The following NENF variants were observed in gnomAD, a reference collection of about 807,000 sequenced individuals.
NENF encodes the protein neudesin.
Under a neutral mutation model 14.8 loss-of-function variants are expected in NENF, and 6 were observed. The observed-to-expected ratio is 0.40, with a 90% CI of 0.22 to 0.80. NENF has a LOEUF of 0.80. Ranked by LOEUF, NENF falls within the 30% of genes least tolerant of loss-of-function variation. NENF has a pLI of 0.34. For synonymous variants in NENF, 76 were observed against 95.1 expected (o/e 0.80, Z 1.17); for missense variants, 184 against 212.7 (o/e 0.87, Z 0.84).
chr1:212,438,076 CAGAAGAGG>C (rs1662637107), intron 1 of NENF, among the ~76,000 whole-genome samples: 2 of 152,104 alleles, frequency 1.3e-5, no homozygotes, highest in Admixed American at 6.5e-5. Flanking sequence ...AAGGGTTGTA[CAGAAGAGG>C]TGATTTTGAG....
At chr1:212,440,457 C>T (rs1197796907) in intron 1 of NENF, among the ~76,000 whole-genome samples, 1 of 151,964 alleles carries the variant, frequency 6.6e-6, no homozygotes, top group Non-Finnish European at 1.5e-5. Flanking sequence ...AAGAAAAATG[C>T]CGTCTGCTGG....
intron 3 of NENF, 119 bp downstream of exon 3, chr1:212,444,561 GTGTGTGTA>G (rs760806360): frequency 0.02 from 8,323 of 412,696 alleles, 116 homozygotes; most frequent in East Asian, 0.078. Flanking sequence ...GTGTGTGTGT[GTGTGTGTA>G]TCTGGGCAAG....
At position 212,433,003 on chromosome 1, in the gene NENF, G is replaced by A. The variant is rs1437250151; in HGVS notation, c.60G>A (p.Leu20=). 2.5e-5 allele frequency: 29 copies of A among 1,157,078 alleles called. No homozygotes were observed. Among genetic ancestry groups the A allele is most frequent in the Non-Finnish European group, 3.0e-5 (28 of 938,952 alleles). The allele number at this position is 1,157,078 out of a possible 1,614,324, so 71.7% of individuals were successfully genotyped here. Residue 20 remains leucine (L), a synonymous_variant, in exon 1 of 4, where the codon CTG becomes CTA. Transcript: ENST00000366988. This position sits in a 1 kb window ranked among gnomAD's most constrained non-coding sequence, Gnocchi z 5.5. ...CGCTGGCAGCGCTGGCCCTGGTCCT[G>A]GCGCTGGCCCCGGGGCTGCCCACAG... ...LRPLAALALV[L]ALAPGLPTAR... is the part of the protein sequence containing the mutation.
chr1:212,445,685 G>A, intron 3 of NENF, 145 bp from the exon 4 acceptor site: 1 of 300,174 alleles, frequency 3.3e-6, no homozygotes, highest in Middle Eastern at 1.3e-3. Flanking sequence ...TGTCTCTTAA[G>A]CCATTTGTCC....
chr1:212,442,766 G>A (rs773104427), intron 2 of NENF, 141 bp downstream of exon 2: 6 of 627,106 alleles, frequency 9.6e-6, no homozygotes, highest in Non-Finnish European at 1.4e-5. Flanking sequence ...TTTTTGAGAC[G>A]GAGTTTCACT....
At position 212,433,030 on chromosome 1, in the gene NENF, C is replaced by A; in HGVS notation, c.87C>A (p.Ala29=). The change falls in exon 1 of 4, where the codon GCC becomes GCA. Residue 29 remains alanine (A), a synonymous_variant. Coordinates refer to ENST00000366988, the MANE Select transcript of NENF (RefSeq NM_013349.5). The surrounding 1 kb of genome is among the most constrained non-coding windows in gnomAD (Gnocchi z 5.5). The part of the protein sequence containing the change: ...VLALAPGLPT[A]RAGQTPRPAE... ...CGCTGGCCCCGGGGCTGCCCACAGCCCGGGCCGGGCAGACACCGCGCCCTG... is the reference window on the plus strand; with the variant it reads ...CGCTGGCCCCGGGGCTGCCCACAGCACGGGCCGGGCAGACACCGCGCCCTG... The A allele has an allele frequency of 8.5e-7, 1 of 1,181,582 alleles. No individual in the cohort carries two copies. The highest frequency in any genetic ancestry group is 3.7e-5 in the East Asian group (1 of 27,204). The allele number at this position is 1,181,582 out of a possible 1,614,324, so 73.2% of individuals were successfully genotyped here. A position where few individuals can be genotyped will look rare whatever the true frequency, so the allele number is the denominator to read the frequency against.
intron 3 of NENF, among the ~76,000 whole-genome samples, chr1:212,444,829 C>G: frequency 6.6e-6 from 1 of 152,152 alleles, no homozygotes; most frequent in East Asian, 1.9e-4. Flanking sequence ...ATCCCCTCAG[C>G]CCCTTACAGC....
intron 3 of NENF, among the ~76,000 whole-genome samples, chr1:212,445,377 A>G (rs1396421459): frequency 6.6e-6 from 1 of 152,238 alleles, no homozygotes; most frequent in African/African-American, 2.4e-5. Flanking sequence ...AGATGAGCCA[A>G]ACTCATAACA....
Position 212,433,248 on chromosome 1 carries a change from T to C in NENF, c.177+128T>C. 1 of 476,042 alleles carries C rather than the reference T, an allele frequency of 2.1e-6. No individual in the cohort carries two copies. The allele number at this position is 476,042 out of a possible 1,614,324, so 29.5% of individuals were successfully genotyped here. A position where few individuals can be genotyped will look rare whatever the true frequency, so the allele number is the denominator to read the frequency against. Reference sequence around the variant, plus strand: ...GACGCGCGGCCCGCGGCGGGCGCCCTGGGCCGGCGGGGGGCCTCCTCTCTC... The same window carrying C: ...GACGCGCGGCCCGCGGCGGGCGCCCCGGGCCGGCGGGGGGCCTCCTCTCTC... On this transcript the variant is annotated intron_variant, in intron 1 of 3. Transcript: ENST00000366988. This position sits in a 1 kb window ranked among gnomAD's most constrained non-coding sequence, Gnocchi z 5.5.
chr1:212,444,497 TTC>T (rs1662746295), intron 3 of NENF, 55 bp downstream of exon 3: 2 of 1,190,084 alleles, frequency 1.7e-6, no homozygotes, highest in African/African-American at 3.1e-5. Context: ...CCATGCCTTT[TTC>T]TCTTTTTCTT....
chr1:212,436,281 A>T (rs894753916), intron 1 of NENF, among the ~76,000 whole-genome samples: 1 of 150,138 alleles, frequency 6.7e-6, no homozygotes, highest in Non-Finnish European at 1.5e-5. Flanking sequence ...GCCCTCAGGC[A>T]GGAGCAGATG....
intron 3 of NENF, among the ~76,000 whole-genome samples, chr1:212,445,096 A>G (rs1314154074): frequency 6.6e-6 from 1 of 152,098 alleles, no homozygotes; most frequent in African/African-American, 2.4e-5. Context: ...CTCTACTAAA[A>G]ATACAAAAAT....
intron 2 of NENF, 22 bp downstream of exon 2, chr1:212,442,647 A>G (rs759902754): frequency 7.5e-6 from 12 of 1,599,574 alleles, no homozygotes; most frequent in African/African-American, 1.3e-5. Context: ...GGCATTTTGA[A>G]TCTTCATTTC....
In NENF at chr1:212,445,988, C is replaced by T; in HGVS notation, c.501C>T (p.Asp167=). 6.2e-7 allele frequency: 1 copy of T among 1,614,212 alleles called. No individual in the cohort carries two copies. Among genetic ancestry groups the T allele is most frequent in the Non-Finnish European group, 8.5e-7 (1 of 1,180,040 alleles). Residue 167 remains aspartate (D), a synonymous_variant, in exon 4 of 4, where the codon GAC becomes GAT. Coordinates refer to ENST00000366988, the MANE Select transcript of NENF (RefSeq NM_013349.5). Reference sequence around the variant, plus strand: ...AGCCTGAAGACCAGCCCCATTTTGACATCAAGGATGAGTTCTGATGTTCCC... The same window carrying T: ...AGCCTGAAGACCAGCCCCATTTTGATATCAAGGATGAGTTCTGATGTTCCC... The part of the protein sequence containing the change: ...DFKPEDQPHF[D]IKDEF
rs1662744068 is a variant in NENF, at chr1:212,444,414, T to C, written c.314T>C (p.Leu105Ser). The change falls in exon 3 of 4, where the codon TTG (leucine) becomes TCG (serine). Residue 105 changes from leucine (L) to serine (S), a missense_variant. Physicochemically the swap from Leu to Ser is moderately radical, Grantham distance 145 (BLOSUM62 -2). Transcript: ENST00000366988. Reference sequence around the variant, plus strand: ...ACTAGAGGGGTAGCCAAGATGTCCTTGGATCCTGCAGACCTCACCCATGAC... The same window carrying C: ...ACTAGAGGGGTAGCCAAGATGTCCTCGGATCCTGCAGACCTCACCCATGAC... ...DSTRGVAKMS[L>S]DPADLTHDTT... 1.2e-6 allele frequency: 2 copies of C among 1,610,280 alleles called. No individual in the cohort carries two copies. Among genetic ancestry groups the C allele is most frequent in the Non-Finnish European group, 8.5e-7 (1 of 1,177,636 alleles).
At chr1:212,445,059 A>C (rs1662757813) in intron 3 of NENF, among the ~76,000 whole-genome samples, 1 of 152,186 alleles carries the variant, frequency 6.6e-6, no homozygotes, top group South Asian at 2.1e-4. Flanking sequence ...GTTTGAGACT[A>C]GCCAGGCCAG....
At chr1:212,437,047 C>A (rs1014649236) in intron 1 of NENF, among the ~76,000 whole-genome samples, 1 of 151,954 alleles carries the variant, frequency 6.6e-6, no homozygotes, top group Non-Finnish European at 1.5e-5. Context: ...CACCGTAAGT[C>A]TTAATAAATG....
intron 2 of NENF, among the ~76,000 whole-genome samples, chr1:212,443,496 G>A (rs957749541): frequency 3.9e-5 from 6 of 151,940 alleles, no homozygotes; most frequent in East Asian, 3.9e-4. Context: ...AGGTTCAAAC[G>A]ATTCTCCTGC....
chr1:212,440,296 G>C (rs985669302), intron 1 of NENF, among the ~76,000 whole-genome samples: 11 of 149,998 alleles, frequency 7.3e-5, no homozygotes, highest in Non-Finnish European at 1.2e-4. Context: ...CAAGGAGAAA[G>C]CCACAGAATG....
Sources: gnomAD v4.1 joint callset for allele counts (sites outside exome capture counted in the v4.1 genomes callset) on GRCh38, gnomAD v4.1.1 for gene constraint, Gnocchi (gnomAD v3.1) non-coding constraint, MANE v1.5 for transcripts, NCBI Gene and HGNC (gene_info 2026-07-23, HGNC 2026-07-21) for gene names.